ULK4: variants seen among roughly 807,000 people sequenced by gnomAD.
The protein encoded by ULK4 is unc-51 like kinase 4, also known as inactive serine/threonine-protein kinase ULK4.
Under a neutral mutation model 160.6 loss-of-function variants are expected in ULK4, and 133 were observed. That is an observed-to-expected ratio of 0.83 (90% CI 0.72 to 0.96). The LOEUF is 0.96. Ranked by LOEUF, ULK4 falls within the 40% of genes least tolerant of loss-of-function variation. The pLI is 0.00. For synonymous variants in ULK4, 534 were observed against 539.8 expected, an observed-to-expected ratio of 0.99 and a Z score of 0.15; for missense variants, 1,580 against 1,499.5, an observed-to-expected ratio of 1.05 and a Z score of -0.89.
chr3:41,435,919 G>C (rs1233474338), intron 34 of ULK4, among the ~76,000 whole-genome samples: 1 of 151,664 alleles, frequency 6.6e-6, no homozygotes, highest in Non-Finnish European at 1.5e-5. Flanking sequence ...TTGTACTCTA[G>C]CCTGGGCAAC....
chr3:41,278,178 GCC>G (rs2079265981), intron 35 of ULK4: 1 of 152,340 alleles, frequency 6.6e-6, no homozygotes, highest in South Asian at 2.1e-4. Flanking sequence ...CGCCCACAGA[GCC>G]TAGCTCACTG....
chr3:41,314,540 G>C (rs2080112163), intron 35 of ULK4, among the ~76,000 whole-genome samples: 1 of 152,168 alleles, frequency 6.6e-6, no homozygotes, highest in Non-Finnish European at 1.5e-5. Flanking sequence ...TCTAAAACCA[G>C]AACAGTTCTA....
intron 32 of ULK4, among the ~76,000 whole-genome samples, chr3:41,503,115 G>A (rs1027036716): frequency 1.3e-5 from 2 of 152,204 alleles, no homozygotes; most frequent in Non-Finnish European, 1.5e-5. Flanking sequence ...TGGTTGACAA[G>A]GAGGTCAGAG....
intron 35 of ULK4, among the ~76,000 whole-genome samples, chr3:41,370,037 C>A (rs755298962): frequency 6.6e-6 from 1 of 152,030 alleles, no homozygotes; most frequent in Non-Finnish European, 1.5e-5. Flanking sequence ...AATGTAATGA[C>A]TTCCAGGTTG....
intron 35 of ULK4, among the ~76,000 whole-genome samples, chr3:41,298,385 A>G (rs993393139): frequency 6.6e-6 from 1 of 152,228 alleles, no homozygotes; most frequent in Non-Finnish European, 1.5e-5. Flanking sequence ...TCAGTATCCA[A>G]AAGTCAGCCC....
In ULK4 at chr3:41,484,653, C is replaced by T. The variant is rs566001709; in HGVS notation, c.3227-21400G>A. ...ATTTTTAGTAGAGACGGGGTTTCAC[C>T]GTGTTAGCCAGGATGGTCTTGATCT... On this transcript the variant is annotated intron_variant, in intron 32 of 36. Coordinates refer to ENST00000301831, the MANE Select transcript of ULK4 (RefSeq NM_017886.4). 8.1e-4 allele frequency among the ~76,000 whole-genome samples: 123 copies of T among 152,110 alleles called. No individual in the cohort carries two copies. The South Asian group carries it at 8.3e-3, about 10-fold the overall frequency.
intron 35 of ULK4, among the ~76,000 whole-genome samples, chr3:41,366,454 ATATT>A (rs377187793): frequency 6.6e-6 from 1 of 152,112 alleles, no homozygotes. Flanking sequence ...CTATACAATT[ATATT>A]TATTTGATCT....
chr3:41,838,791 G>A (rs1207646036), intron 17 of ULK4, among the ~76,000 whole-genome samples: 1 of 152,142 alleles, frequency 6.6e-6, no homozygotes, highest in Non-Finnish European at 1.5e-5. Context: ...CACAATTACA[G>A]TTGTGAACTT....
At chr3:41,747,473 A>C (rs1371877788) in intron 22 of ULK4, among the ~76,000 whole-genome samples, 1 of 151,874 alleles carries the variant, frequency 6.6e-6, no homozygotes, top group Non-Finnish European at 1.5e-5. Context: ...TATACAAGAG[A>C]CCACGATTTG....
intron 34 of ULK4, among the ~76,000 whole-genome samples, chr3:41,453,770 C>A (rs1001021634): frequency 1.7e-4 from 26 of 152,046 alleles, no homozygotes; most frequent in African/African-American, 6.0e-4. Context: ...ATTTCATCTT[C>A]CATGTAATTT....
intron 17 of ULK4, among the ~76,000 whole-genome samples, chr3:41,844,452 G>A (rs983518141): frequency 1.8e-4 from 27 of 152,146 alleles, no homozygotes; most frequent in African/African-American, 5.1e-4. Flanking sequence ...AGGGCCAGCC[G>A]GCCTGAGTGC....
At chr3:41,882,089 T>C (rs1395907633) in intron 17 of ULK4, 1 of 662,992 alleles carries the variant, frequency 1.5e-6, no homozygotes, top group African/African-American at 1.8e-5. Context: ...GCCCAGCCCC[T>C]TGACAATTCC....
intron 17 of ULK4, among the ~76,000 whole-genome samples, chr3:41,844,818 C>G (rs1331287966): frequency 6.8e-6 from 1 of 147,472 alleles, no homozygotes; most frequent in African/African-American, 2.5e-5. Context: ...AAAACAGCAA[C>G]TAAATATGCA....
chr3:41,477,835 C>T (rs913313790), intron 32 of ULK4, among the ~76,000 whole-genome samples: 1 of 152,218 alleles, frequency 6.6e-6, no homozygotes, highest in African/African-American at 2.4e-5. Flanking sequence ...GGCATGGCCC[C>T]ACATGACAAT....
At chr3:41,771,115 C>G (rs932707021) in intron 21 of ULK4, among the ~76,000 whole-genome samples, 3 of 152,166 alleles carry the variant, frequency 2.0e-5, no homozygotes, top group Non-Finnish European at 2.9e-5. Context: ...AAGAATAGCT[C>G]ACTCCATCAA....
At chr3:41,497,464 G>C (rs553496402) in intron 32 of ULK4, among the ~76,000 whole-genome samples, 2 of 151,980 alleles carry the variant, frequency 1.3e-5, no homozygotes, top group East Asian at 3.9e-4. Flanking sequence ...AAGAATGGAA[G>C]AAAAAATATT....
intron 31 of ULK4, among the ~76,000 whole-genome samples, chr3:41,604,448 G>C (rs923757946): frequency 1.3e-5 from 2 of 152,078 alleles, no homozygotes; most frequent in African/African-American, 2.4e-5. Flanking sequence ...AATGTAGGAA[G>C]CTTATGTGAC....
intron 32 of ULK4, among the ~76,000 whole-genome samples, chr3:41,514,772 A>G (rs1177827587): frequency 6.6e-6 from 1 of 152,042 alleles, no homozygotes; most frequent in Non-Finnish European, 1.5e-5. Context: ...ATGGAGACTC[A>G]GAAGGGTGAG....
At chr3:41,586,686 T>G (rs1256354) in intron 31 of ULK4, among the ~76,000 whole-genome samples, 139,752 of 152,168 alleles carry the variant, frequency 0.92, 64,579 homozygotes, top group Middle Eastern at 0.97. Flanking sequence ...AAGAAAAAAA[T>G]TGGTCACAGA....
Sources: allele counts gnomAD v4.1 joint callset (sites outside exome capture counted in the v4.1 genomes callset), GRCh38; gene constraint gnomAD v4.1.1; transcripts MANE v1.5; gene names NCBI Gene and HGNC (gene_info 2026-07-23, HGNC 2026-07-21).